EEF1AKMT1: variants seen among roughly 807,000 people sequenced by gnomAD.
The protein encoded by EEF1AKMT1 is EEF1A lysine methyltransferase 1.
A neutral mutation model predicts 21.0 loss-of-function variants in EEF1AKMT1; 18 were observed. That is an observed-to-expected ratio of 0.86 (90% CI 0.59 to 1.27). The LOEUF (loss-of-function observed/expected upper bound fraction) is 1.27, where lower values mean the gene tolerates loss of function less well. Ranked by LOEUF, EEF1AKMT1 falls within the 50% of genes most tolerant of loss-of-function variation. The pLI, the probability that EEF1AKMT1 is intolerant of heterozygous loss-of-function variation, is 0.00. For missense variants in EEF1AKMT1, 246 were observed against 258.6 expected, an observed-to-expected ratio of 0.95 and a Z score of 0.33; for synonymous variants, 109 against 94.8, an observed-to-expected ratio of 1.15 and a Z score of -0.87.
rs550288461 is a variant in EEF1AKMT1, at chr13:20,745,799, G to T, written c.145-7994C>A. Among the ~76,000 whole-genome samples the T allele has an allele frequency of 5.6e-4, 85 of 152,226 alleles. 6 individuals carry two copies. Among genetic ancestry groups the T allele is most frequent in the Admixed American group, 1.3e-4 (2 of 15,288 alleles). ...GGAGGCAGAGGTTGCAGTAAGCCGA[G>T]ATTGTGCCACTGCACTCCAGCCTGG... On this transcript the variant is annotated intron_variant, in intron 2 of 4. Transcript: ENST00000382758.
intron 2 of EEF1AKMT1, among the ~76,000 whole-genome samples, chr13:20,742,957 A>G (rs1379968118): frequency 6.6e-6 from 1 of 152,076 alleles, no homozygotes; most frequent in Non-Finnish European, 1.5e-5. Context: ...TCTGTTATCA[A>G]TACGTTTATT....
At chr13:20,759,399 G>A (rs9506550) in intron 1 of EEF1AKMT1, among the ~76,000 whole-genome samples, 56,549 of 151,660 alleles carry the variant, frequency 0.37, 12,485 homozygotes, top group Non-Finnish European at 0.5. Flanking sequence ...CTAACACAGT[G>A]AAACCCCGTC....
At chr13:20,730,996 C>G (rs549930195) in intron 4 of EEF1AKMT1, among the ~76,000 whole-genome samples, 2 of 152,294 alleles carry the variant, frequency 1.3e-5, no homozygotes, top group African/African-American at 2.4e-5. Flanking sequence ...AGCGAGACCA[C>G]GAACCCACCA....
chr13:20,729,274 G>T, intron 4 of EEF1AKMT1, 58 bp from the exon 5 acceptor site: 1 of 1,604,094 alleles, frequency 6.2e-7, no homozygotes. Context: ...AGCTCAGTGC[G>T]TCCTGAGCTG....
intron 2 of EEF1AKMT1, among the ~76,000 whole-genome samples, chr13:20,739,731 G>A (rs1595015895): frequency 6.6e-6 from 1 of 152,062 alleles, no homozygotes; most frequent in African/African-American, 2.4e-5. Flanking sequence ...CACTAGATTT[G>A]CTAGACACAG....
chr13:20,763,900 TC>T (rs1274280182), intron 1 of EEF1AKMT1, among the ~76,000 whole-genome samples: 8 of 152,228 alleles, frequency 5.3e-5, no homozygotes, highest in African/African-American at 1.7e-4. Flanking sequence ...TTAAAATTTA[TC>T]TGGATAGAGA....
At chr13:20,771,115 A>G (rs1184687318) in intron 1 of EEF1AKMT1, among the ~76,000 whole-genome samples, 2 of 152,036 alleles carry the variant, frequency 1.3e-5, no homozygotes, top group Non-Finnish European at 2.9e-5. Flanking sequence ...CAAGTGATCT[A>G]CCCACCTTGT....
At chr13:20,740,961 C>T (rs1170404347) in intron 2 of EEF1AKMT1, among the ~76,000 whole-genome samples, 1 of 151,824 alleles carries the variant, frequency 6.6e-6, no homozygotes, top group Non-Finnish European at 1.5e-5. Context: ...TGCCTTTTTC[C>T]TTCTTTCTAT....
Position 20,729,145 on chromosome 13 carries a change from G to A in EEF1AKMT1, c.580C>T (p.Arg194Trp), listed in dbSNP as rs1416000758. The A allele has an allele frequency of 2.9e-5, 46 of 1,613,968 alleles. No individual in the cohort carries two copies. The highest frequency in any genetic ancestry group is 4.5e-5 in the East Asian group (2 of 44,890). ...CAGCGAAACTCATTTGCCAAGTTCC[G>A]GGTGTGTCTTGGAACAAACGTGCAC... ...KMCTFVPRHT[R>W]NLANEFRCYV... Residue 194 changes from arginine to tryptophan, a missense_variant, in exon 5 of 5, where the codon CGG (arginine) becomes TGG (tryptophan). Physicochemically the swap from Arg to Trp is moderately radical, Grantham distance 101 (BLOSUM62 -3). Coordinates refer to ENST00000382758, the MANE Select transcript of EEF1AKMT1 (RefSeq NM_001318939.2).
At chr13:20,733,514 G>T (rs541840609) in intron 3 of EEF1AKMT1, among the ~76,000 whole-genome samples, 2 of 152,318 alleles carry the variant, frequency 1.3e-5, no homozygotes, top group African/African-American at 4.8e-5. Flanking sequence ...TGCCCAGCTG[G>T]TATGCCTATT....
intron 1 of EEF1AKMT1, among the ~76,000 whole-genome samples, chr13:20,762,667 C>T (rs1374414722): frequency 1.3e-5 from 2 of 152,164 alleles, no homozygotes; most frequent in African/African-American, 2.4e-5. Context: ...GCATGCGCCA[C>T]CATGCCCGGC....
chr13:20,765,405 GTTT>G (rs1171165259), intron 1 of EEF1AKMT1, among the ~76,000 whole-genome samples: 191 of 58,660 alleles, frequency 3.3e-3, no homozygotes, highest in African/African-American at 7.0e-3. Flanking sequence ...CTTCCCTTGG[GTTT>G]TTTTTTTTTT....
chr13:20,769,913 G>A (rs1728234833), intron 1 of EEF1AKMT1, among the ~76,000 whole-genome samples: 1 of 152,142 alleles, frequency 6.6e-6, no homozygotes, highest in Non-Finnish European at 1.5e-5. Context: ...TGTAGAGAAA[G>A]TGAGGAAAAT....
rs1404144634 is a variant in EEF1AKMT1, at chr13:20,757,483, T to C, written c.116A>G (p.Tyr39Cys). ...ATTCTCTTCTATTATTCCAATGTTA[T>C]ATTTATCATCCTCGCCTGGCTCAAT... ...QQIEPGEDDKYNIGIIEENWQ... is the reference protein window; with the variant it reads ...QQIEPGEDDKCNIGIIEENWQ... Residue 39 changes from tyrosine (Y) to cysteine (C), a missense_variant, in exon 2 of 5, where the codon TAT becomes TGT. Physicochemically the swap from Tyr to Cys is radical, Grantham distance 194. Coordinates refer to ENST00000382758, the MANE Select transcript of EEF1AKMT1 (RefSeq NM_001318939.2). 8.7e-6 allele frequency: 14 copies of C among 1,614,216 alleles called. No homozygotes were observed. Among genetic ancestry groups the C allele is most frequent in the Non-Finnish European group, 1.2e-5 (14 of 1,180,038 alleles).
chr13:20,755,830 A>T (rs1398115896), intron 2 of EEF1AKMT1, among the ~76,000 whole-genome samples: 1 of 152,242 alleles, frequency 6.6e-6, no homozygotes, highest in Non-Finnish European at 1.5e-5. Context: ...AATTCTAAGC[A>T]GTGGGATTGG....
intron 3 of EEF1AKMT1, among the ~76,000 whole-genome samples, chr13:20,733,641 G>A (rs1466709652): frequency 6.6e-6 from 1 of 152,184 alleles, no homozygotes; most frequent in Non-Finnish European, 1.5e-5. Context: ...TGCTTTCATG[G>A]GAGTGGGAAT....
chr13:20,766,282 C>A (rs1280496936), intron 1 of EEF1AKMT1, among the ~76,000 whole-genome samples: 10 of 100,390 alleles, frequency 1.0e-4, no homozygotes, highest in African/African-American at 1.6e-4. Flanking sequence ...CTGGGTGACA[C>A]AGTGAGACTC....
intron 1 of EEF1AKMT1, among the ~76,000 whole-genome samples, chr13:20,769,681 A>G (rs2059053573): frequency 6.6e-6 from 1 of 152,228 alleles, no homozygotes; most frequent in South Asian, 2.1e-4. Flanking sequence ...AATCTGGTGA[A>G]GGGAGAACAA....
intron 3 of EEF1AKMT1, among the ~76,000 whole-genome samples, 188 bp downstream of exon 3, chr13:20,737,535 C>T (rs578191421): frequency 6.6e-6 from 1 of 152,302 alleles, no homozygotes; most frequent in East Asian, 1.9e-4. Context: ...AGACATTCCA[C>T]AATGAATAGG....
Sources: allele counts gnomAD v4.1 joint callset (sites outside exome capture counted in the v4.1 genomes callset), GRCh38; gene constraint gnomAD v4.1.1; transcripts MANE v1.5; gene names NCBI Gene and HGNC (gene_info 2026-07-23, HGNC 2026-07-21).